Variants in NBEA observed in about 807,000 individuals in gnomAD.
The protein encoded by NBEA is neurobeachin.
A neutral mutation model predicts 343.4 loss-of-function variants in NBEA; 44 were observed. The ratio of observed to expected loss-of-function variants is 0.13; its 90% CI spans 0.10 to 0.16. The LOEUF (loss-of-function observed/expected upper bound fraction) is 0.16. NBEA is among the 10% of genes least tolerant of loss of function. NBEA has a pLI of 1.00. For missense variants in NBEA, 2,555 were observed against 3,631.3 expected, an observed-to-expected ratio of 0.70 and a Z score of 7.62; for synonymous variants, 1,175 against 1,238.7, an observed-to-expected ratio of 0.95 and a Z score of 1.08.
At chr13:35,400,618 A>T (rs970414462) in intron 38 of NBEA, among the ~76,000 whole-genome samples, 1 of 151,994 alleles carries the variant, frequency 6.6e-6, no homozygotes, top group African/African-American at 2.4e-5. Flanking sequence ...CAAGCCTGGG[A>T]GCTCTATAAA....
intron 44 of NBEA, among the ~76,000 whole-genome samples, chr13:35,565,910 G>GA (rs1440706705): frequency 1.3e-5 from 2 of 152,114 alleles, no homozygotes; most frequent in African/African-American, 2.4e-5. Flanking sequence ...CTTAAGGAGT[G>GA]AAAAAATGTA....
At chr13:35,044,603 G>GGTGT (rs3045194) in intron 2 of NBEA, among the ~76,000 whole-genome samples, 5,462 of 142,514 alleles carry the variant, frequency 0.038, 117 homozygotes, top group South Asian at 0.06. Context: ...GCTGTGTTGT[G>GGTGT]GTGTGTGTGT....
intron 49 of NBEA, among the ~76,000 whole-genome samples, chr13:35,637,504 T>C (rs1380987715): frequency 1.3e-5 from 2 of 152,128 alleles, no homozygotes; most frequent in African/African-American, 4.8e-5. Flanking sequence ...TGTATACCTA[T>C]GTCCACAGGA....
At chr13:35,290,686 TC>T (rs200226533) in intron 35 of NBEA, among the ~76,000 whole-genome samples, 5,281 of 151,278 alleles carry the variant, frequency 0.035, 135 homozygotes, top group Non-Finnish European at 0.054. Flanking sequence ...AGTATTATTC[TC>T]CTACCCTTTC....
At chr13:35,409,971 C>T (rs963867043) in intron 38 of NBEA, among the ~76,000 whole-genome samples, 3 of 151,886 alleles carry the variant, frequency 2.0e-5, no homozygotes, top group Admixed American at 1.3e-4. Flanking sequence ...TATATTCATG[C>T]TTTTTTGCCT....
intron 34 of NBEA, among the ~76,000 whole-genome samples, chr13:35,235,911 A>T (rs1213779090): frequency 6.6e-6 from 1 of 152,190 alleles, no homozygotes; most frequent in Non-Finnish European, 1.5e-5. Context: ...CTAGAAATGA[A>T]ATACTGGAAC....
chr13:35,314,245 G>A (rs1179207146), intron 36 of NBEA, among the ~76,000 whole-genome samples: 3 of 152,100 alleles, frequency 2.0e-5, no homozygotes, highest in African/African-American at 7.2e-5. Context: ...ACTGAAAATA[G>A]CGATTGTAAA....
intron 33 of NBEA, 112 bp from the exon 34 acceptor site, chr13:35,232,380 A>C: frequency 1.4e-6 from 1 of 724,980 alleles, no homozygotes; most frequent in Non-Finnish European, 2.2e-6. Flanking sequence ...TTATTATTCC[A>C]TGGGCTAGAA....
chr13:35,341,959 A>G (rs1323841031), intron 36 of NBEA, among the ~76,000 whole-genome samples: 2 of 152,118 alleles, frequency 1.3e-5, no homozygotes, highest in Non-Finnish European at 2.9e-5. Context: ...AGTGGAAACA[A>G]CCCAAATGTT....
intron 36 of NBEA, among the ~76,000 whole-genome samples, chr13:35,318,574 T>C (rs1329835096): frequency 6.6e-6 from 1 of 152,168 alleles, no homozygotes; most frequent in African/African-American, 2.4e-5. Flanking sequence ...TATTTTGTTG[T>C]GTCTCTGCCA....
chr13:35,145,417 C>A (rs2068359656), intron 18 of NBEA, among the ~76,000 whole-genome samples: 1 of 152,132 alleles, frequency 6.6e-6, no homozygotes, highest in African/African-American at 2.4e-5. Flanking sequence ...GGTGGAGAGA[C>A]TGGATACCCT....
intron 41 of NBEA, among the ~76,000 whole-genome samples, chr13:35,521,670 A>G (rs1257319917): frequency 6.6e-6 from 1 of 152,216 alleles, no homozygotes; most frequent in African/African-American, 2.4e-5. Flanking sequence ...AGAGACTGCA[A>G]TTCACTGCTG....
chr13:34,956,213 A>G (rs1372061880), intron 1 of NBEA, among the ~76,000 whole-genome samples: 1 of 152,184 alleles, frequency 6.6e-6, no homozygotes, highest in Non-Finnish European at 1.5e-5. Flanking sequence ...GAATAGATGA[A>G]AATTAACATT....
intron 34 of NBEA, among the ~76,000 whole-genome samples, chr13:35,249,765 T>G (rs928755450): frequency 2.0e-5 from 3 of 152,192 alleles, no homozygotes; most frequent in African/African-American, 4.8e-5. Context: ...CAAGGAAATA[T>G]TATTTGCGAC....
In NBEA at chr13:35,253,820, C is replaced by T. The variant is rs562759452; in HGVS notation, c.5776+21201C>T. ...CTTACCCTTGATCTATACTTCTATA[C>T]GTTTTTGTAAGTAAGAAGTATTAAG... On this transcript the variant is annotated intron_variant, in intron 34 of 58. Coordinates refer to ENST00000379939, the MANE Select transcript of NBEA (RefSeq NM_001385012.1). Among the ~76,000 whole-genome samples, 14 of 151,502 alleles carry T rather than the reference C, an allele frequency of 9.2e-5. No individual in the cohort carries two copies. In the South Asian group the frequency reaches 2.5e-3, roughly 27 times the overall value.
At chr13:35,644,585 T>C (rs796606300) in intron 49 of NBEA, among the ~76,000 whole-genome samples, 2 of 152,320 alleles carry the variant, frequency 1.3e-5, no homozygotes, top group African/African-American at 4.8e-5. Flanking sequence ...TTGTGTCCTT[T>C]TTCTGGGGAA....
At chr13:35,487,256 A>G (rs867969735) in intron 41 of NBEA, among the ~76,000 whole-genome samples, 32 of 151,952 alleles carry the variant, frequency 2.1e-4, no homozygotes, top group African/African-American at 6.8e-4. Flanking sequence ...ATATTATTAT[A>G]TAAAGACTAT....
rs140407226 is a variant in NBEA at position 35,365,192 on chromosome 13, A to G, written c.6179+12869A>G. 5.6e-4 allele frequency among the ~76,000 whole-genome samples: 85 copies of G among 151,896 alleles called. 1 individual carries two copies. The highest frequency in any genetic ancestry group is 1.9e-3 in the African/African-American group (80 of 41,538). ...TTAAGATAATTAGTAAGTCAGAAGT[A>G]CGATACTTTGTAAAATGCCTAATAC... On this transcript the variant is annotated intron_variant, in intron 38 of 58. Coordinates refer to ENST00000379939, the MANE Select transcript of NBEA (RefSeq NM_001385012.1).
At chr13:35,476,130 C>A in intron 41 of NBEA, 2 of 1,614,006 alleles carry the variant, frequency 1.2e-6, no homozygotes, top group South Asian at 2.2e-5. Flanking sequence ...TGGCCTGGGC[C>A]GCAATCATGT....
Sources: gnomAD v4.1 joint callset for allele counts (sites outside exome capture counted in the v4.1 genomes callset) on GRCh38, gnomAD v4.1.1 for gene constraint, MANE v1.5 for transcripts, NCBI Gene and HGNC (gene_info 2026-07-23, HGNC 2026-07-21) for gene names.